RBFOX1: variants seen among roughly 807,000 people sequenced by gnomAD.
RBFOX1 encodes the protein RNA binding protein fox-1 homolog 1.
A neutral mutation model predicts 57.7 loss-of-function variants in RBFOX1; 8 were observed. That is an observed-to-expected ratio of 0.14 (90% CI 0.08 to 0.25). RBFOX1 has a LOEUF of 0.25. Among genes scored for constraint, RBFOX1 ranks in the 10% least tolerant of loss-of-function variants. The pLI, the probability that RBFOX1 is intolerant of heterozygous loss-of-function variation, is 1.00. For missense variants in RBFOX1, 611 were observed against 548.5 expected (o/e 1.11, Z -1.14); for synonymous variants, 326 against 222.4 (o/e 1.47, Z -4.15).
At chr16:7,217,820 C>G (rs184216450) in intron 4 of RBFOX1, among the ~76,000 whole-genome samples, 6 of 152,320 alleles carry the variant, frequency 3.9e-5, no homozygotes, top group Admixed American at 1.3e-4. Flanking sequence ...ATCTGAAAGA[C>G]TTACAGCATT....
At chr16:6,728,678 A>C (rs1322486911) in intron 3 of RBFOX1, among the ~76,000 whole-genome samples, 1 of 152,154 alleles carries the variant, frequency 6.6e-6, no homozygotes, top group Non-Finnish European at 1.5e-5. Context: ...AATAGCAATA[A>C]AATTGGGTTT....
chr16:6,528,467 C>T (rs74005259), intron 2 of RBFOX1, among the ~76,000 whole-genome samples: 1 of 152,156 alleles, frequency 6.6e-6, no homozygotes, highest in Non-Finnish European at 1.5e-5. Context: ...TACATGCACC[C>T]TACAGCATCA....
intron 4 of RBFOX1, among the ~76,000 whole-genome samples, chr16:5,908,263 CACATATAT>C (rs1215683661): frequency 7.0e-6 from 1 of 143,558 alleles, no homozygotes; most frequent in Non-Finnish European, 1.5e-5. Flanking sequence ...CACATATATA[CACATATAT>C]ATACATACAT....
At chr16:5,240,362 C>T (rs2062133849) in intron 1 of RBFOX1, among the ~76,000 whole-genome samples, 2 of 152,076 alleles carry the variant, frequency 1.3e-5, no homozygotes, top group African/African-American at 4.8e-5. Flanking sequence ...TGCGGCTAGC[C>T]AAAAGGGGAG....
At chr16:5,961,180 T>C (rs1252000362) in intron 4 of RBFOX1, among the ~76,000 whole-genome samples, 1 of 152,192 alleles carries the variant, frequency 6.6e-6, no homozygotes, top group African/African-American at 2.4e-5. Flanking sequence ...TTTTTTTCAT[T>C]TGGGGCATAT....
intron 2 of RBFOX1, among the ~76,000 whole-genome samples, chr16:6,370,603 T>C (rs1179600732): frequency 6.6e-6 from 1 of 152,146 alleles, no homozygotes; most frequent in Admixed American, 6.5e-5. Flanking sequence ...AAATATTGTA[T>C]GATTCTACTT....
chr16:6,475,938 C>CT (rs998424604), intron 2 of RBFOX1, among the ~76,000 whole-genome samples: 6 of 152,046 alleles, frequency 3.9e-5, no homozygotes, highest in Non-Finnish European at 2.9e-5. Context: ...GGCTTAACGT[C>CT]TTTTTTTCCC....
chr16:7,653,463 A>G (rs921531580), intron 11 of RBFOX1, among the ~76,000 whole-genome samples: 2 of 152,134 alleles, frequency 1.3e-5, no homozygotes, highest in African/African-American at 2.4e-5. Flanking sequence ...CCGTGATTGC[A>G]CCACTGCACT....
chr16:6,679,308 C>G (rs545312832), intron 3 of RBFOX1, among the ~76,000 whole-genome samples: 1 of 152,090 alleles, frequency 6.6e-6, no homozygotes, highest in East Asian at 1.9e-4. Context: ...GTAAAGGTGA[C>G]TCAAGGAGAA....
chr16:6,155,605 A>G (rs968574034), intron 1 of RBFOX1, among the ~76,000 whole-genome samples: 1 of 152,190 alleles, frequency 6.6e-6, no homozygotes, highest in Admixed American at 6.5e-5. Flanking sequence ...GCAGTGGCCT[A>G]TGTAAATGAC....
intron 1 of RBFOX1, chr16:6,056,825 G>A (rs2095620121): frequency 6.8e-6 from 1 of 147,264 alleles, no homozygotes. Context: ...GACTGGACAT[G>A]TGATGAAGAC....
chr16:7,589,912 G>GGGGTGTGTGTGTGTGTGT (rs71394324), intron 7 of RBFOX1, among the ~76,000 whole-genome samples: 4 of 135,054 alleles, frequency 3.0e-5, no homozygotes, highest in South Asian at 2.7e-4. Context: ...GTGTGTGCTG[G>GGGGTGTGTGTGTGTGTGT]GTGTGTGTGT....
intron 3 of RBFOX1, among the ~76,000 whole-genome samples, chr16:5,740,862 G>A (rs145958850): frequency 7.2e-5 from 11 of 152,216 alleles, no homozygotes; most frequent in African/African-American, 2.4e-4. Context: ...TTATGTGCCC[G>A]TCTGGACAGA....
intron 1 of RBFOX1, among the ~76,000 whole-genome samples, chr16:6,118,562 T>A (rs2096522962): frequency 6.6e-6 from 1 of 151,866 alleles, no homozygotes; most frequent in South Asian, 2.1e-4. Flanking sequence ...TCTCTTCCTT[T>A]CTCTTTCTCT....
At chr16:7,630,549 A>T in intron 10 of RBFOX1, 54 bp from the exon 11 acceptor site, 1 of 1,608,858 alleles carries the variant, frequency 6.2e-7, no homozygotes. Flanking sequence ...GTGATCTCTC[A>T]GGTGTAGTGT....
chr16:5,769,742 G>T (rs568788777), intron 3 of RBFOX1, among the ~76,000 whole-genome samples: 106 of 152,232 alleles, frequency 7.0e-4, no homozygotes, highest in African/African-American at 2.2e-3. Context: ...ACAGTGAGAG[G>T]GTCCTGGAAC....
In RBFOX1 at chr16:7,010,373, G is replaced by A. The variant is rs114934346; in HGVS notation, c.-15-41684G>A. On this transcript the variant is annotated intron_variant, in intron 3 of 15. Transcript: ENST00000550418. ...TTAGACTTTCTGTACAGACTCTTACGCTAGGACACACACTGGTGAGATCTT... is the reference window on the plus strand; with the variant it reads ...TTAGACTTTCTGTACAGACTCTTACACTAGGACACACACTGGTGAGATCTT... 3.6e-3 allele frequency among the ~76,000 whole-genome samples: 554 copies of A among 152,224 alleles called. 6 individuals carry two copies. The highest frequency in any genetic ancestry group is 0.012 in the African/African-American group (513 of 41,538).
intron 3 of RBFOX1, among the ~76,000 whole-genome samples, chr16:5,702,783 G>A (rs573821678): frequency 6.6e-6 from 1 of 152,322 alleles, no homozygotes; most frequent in East Asian, 1.9e-4. Flanking sequence ...GGGTTGGCAA[G>A]TAGTGATCTT....
In RBFOX1 at chr16:7,513,196, G is replaced by C. The variant is rs189040483; in HGVS notation, c.28-4951G>C. Among the ~76,000 whole-genome samples the C allele has an allele frequency of 6.9e-3, 1,046 of 152,230 alleles. 8 individuals are homozygous for C. The highest frequency in any genetic ancestry group is 8.2e-3 in the Non-Finnish European group (557 of 68,010). On this transcript the variant is annotated intron_variant, in intron 4 of 15. Transcript: ENST00000550418. ...GAGAATCACTTGAACCTCGGAGGCG[G>C]AGGTTGCAGTGAGCCGAGAGCCTAC... is the stretch of plus-strand genomic sequence containing the variant.
Sources: allele counts gnomAD v4.1 joint callset (sites outside exome capture counted in the v4.1 genomes callset), GRCh38; gene constraint gnomAD v4.1.1; transcripts MANE v1.5; gene names NCBI Gene and HGNC (gene_info 2026-07-23, HGNC 2026-07-21).